Variants in ACYP2 observed in about 807,000 individuals in gnomAD.
ACYP2 encodes the protein acylphosphatase-2.
In ACYP2, 12 loss-of-function variants were observed where a neutral mutation model predicts 11.2. The ratio of observed to expected loss-of-function variants is 1.08; its 90% CI spans 0.69 to 1.74. The LOEUF is 1.74. Among genes scored for constraint, ACYP2 ranks in the 40% most tolerant of loss-of-function variants. The probability of loss-of-function intolerance (pLI) is 0.00; values close to 1 mark genes in which losing one functional copy is unlikely to be tolerated. For missense variants in ACYP2, 134 were observed against 101.9 expected, an observed-to-expected ratio of 1.31 and a Z score of -1.35; for synonymous variants, 43 against 32.2, an observed-to-expected ratio of 1.33 and a Z score of -1.13.
chr2:54,052,855 A>G (rs1675940843), intron 3 of ACYP2, among the ~76,000 whole-genome samples: 2 of 152,226 alleles, frequency 1.3e-5, no homozygotes, highest in Admixed American at 6.5e-5. Flanking sequence ...CAGGAAAGAA[A>G]GCAACTAACT....
At chr2:54,161,812 G>C (rs1682722938) in intron 6 of ACYP2, among the ~76,000 whole-genome samples, 1 of 152,036 alleles carries the variant, frequency 6.6e-6, no homozygotes. Flanking sequence ...GATACAATAG[G>C]GTAGAGAGTG....
At chr2:54,211,517 G>C (rs558067006) in intron 6 of ACYP2, among the ~76,000 whole-genome samples, 1 of 152,308 alleles carries the variant, frequency 6.6e-6, no homozygotes, top group South Asian at 2.1e-4. Flanking sequence ...TTGGTTTAAA[G>C]TATGATTGGG....
chr2:54,067,574 G>A lies in ACYP2; in HGVS notation c.277+10214G>A, dbSNP rs951679718. ...ACTTAACATGAATTGTTATCTGCTA[G>A]GGAAAAAGATGAGTTTTAGGTATTC... On this transcript the variant is annotated intron_variant, in intron 4 of 6. Coordinates refer to ENST00000607452, the MANE Select transcript of ACYP2 (RefSeq NM_001320586.2). 1.2e-4 allele frequency among the ~76,000 whole-genome samples: 18 copies of A among 152,276 alleles called. No homozygotes were observed. In the East Asian group the frequency reaches 2.5e-3, roughly 21 times the overall value.
chr2:54,080,562 C>G (rs945467062), intron 4 of ACYP2: 1 of 151,992 alleles, frequency 6.6e-6, no homozygotes, highest in Admixed American at 6.6e-5. Context: ...GATCTTGGCT[C>G]ATCGCAATCT....
intron 2 of ACYP2, among the ~76,000 whole-genome samples, chr2:54,050,095 C>G (rs527370102): frequency 1.3e-5 from 2 of 152,278 alleles, no homozygotes; most frequent in Admixed American, 1.3e-4. Flanking sequence ...GAAACTGCAA[C>G]TTTAAGCAAA....
At chr2:54,047,852 G>A (rs953078371) in intron 2 of ACYP2, among the ~76,000 whole-genome samples, 3 of 152,116 alleles carry the variant, frequency 2.0e-5, no homozygotes, top group Admixed American at 6.5e-5. Flanking sequence ...ACCATACCAC[G>A]ATAAGAAATT....
chr2:54,120,326 G>T (rs929647886), intron 4 of ACYP2, among the ~76,000 whole-genome samples: 1 of 152,140 alleles, frequency 6.6e-6, no homozygotes, highest in African/African-American at 2.4e-5. Context: ...TGTAACTGTG[G>T]CCTGGTTTAT....
At chr2:54,274,221 C>T (rs1558661194) in intron 6 of ACYP2, among the ~76,000 whole-genome samples, 1 of 152,118 alleles carries the variant, frequency 6.6e-6, no homozygotes, top group Non-Finnish European at 1.5e-5. Context: ...GTAAAACTCC[C>T]CCTTATAATA....
chr2:54,112,989 T>C (rs1679534303), intron 4 of ACYP2, among the ~76,000 whole-genome samples: 1 of 151,950 alleles, frequency 6.6e-6, no homozygotes, highest in Non-Finnish European at 1.5e-5. Context: ...TCCCAGTCAG[T>C]GACTACTTAG....
At chr2:54,219,424 C>T (rs1685688420) in intron 6 of ACYP2, among the ~76,000 whole-genome samples, 1 of 151,852 alleles carries the variant, frequency 6.6e-6, no homozygotes, top group Non-Finnish European at 1.5e-5. Flanking sequence ...CTTTGAATGC[C>T]ACCGTGAAGA....
chr2:54,227,884 G>A (rs1686075397), intron 6 of ACYP2, among the ~76,000 whole-genome samples: 1 of 152,174 alleles, frequency 6.6e-6, no homozygotes, highest in African/African-American at 2.4e-5. Context: ...TGCAGGAATG[G>A]ACAAGACCAG....
At chr2:54,195,997 C>T (rs1466306831) in intron 6 of ACYP2, among the ~76,000 whole-genome samples, 1 of 151,910 alleles carries the variant, frequency 6.6e-6, no homozygotes, top group Non-Finnish European at 1.5e-5. Context: ...AAGGTTTCAA[C>T]ATGTTGGTCA....
intron 4 of ACYP2, among the ~76,000 whole-genome samples, chr2:54,103,679 A>T (rs375773446): frequency 4.6e-5 from 7 of 152,302 alleles, no homozygotes; most frequent in African/African-American, 1.7e-4. Flanking sequence ...TATTCTTCTA[A>T]CATGTTTATG....
chr2:53,977,805 A>C (rs764604994), intron 2 of ACYP2, among the ~76,000 whole-genome samples: 9 of 150,886 alleles, frequency 6.0e-5, no homozygotes, highest in Non-Finnish European at 1.2e-4. Flanking sequence ...AATTTGATTC[A>C]GTCACCTCAC....
intron 6 of ACYP2, among the ~76,000 whole-genome samples, chr2:54,169,286 T>C (rs889575496): frequency 6.6e-6 from 1 of 152,196 alleles, no homozygotes; most frequent in African/African-American, 2.4e-5. Context: ...GTTAGGTCTG[T>C]CTGATTTTGA....
chr2:54,178,925 A>C lies in ACYP2; in HGVS notation c.404+40177A>C, dbSNP rs563752235. On this transcript the variant is annotated intron_variant, in intron 6 of 6. Transcript: ENST00000607452. ...ACGCTACTATAACAAAATACCATAGACTGGGTGACTTGTAAACAACAAAAA... is the reference window on the plus strand; with the variant it reads ...ACGCTACTATAACAAAATACCATAGCCTGGGTGACTTGTAAACAACAAAAA... Among the ~76,000 whole-genome samples, 5 of 152,158 alleles carry C rather than the reference A, an allele frequency of 3.3e-5. No individual in the cohort carries two copies. In the South Asian group the frequency reaches 1.0e-3, roughly 32 times the overall value.
chr2:54,277,591 T>C (rs1006849003), intron 6 of ACYP2, among the ~76,000 whole-genome samples: 1 of 152,056 alleles, frequency 6.6e-6, no homozygotes, highest in Admixed American at 6.5e-5. Flanking sequence ...GGCAGGAGAA[T>C]CTGTTGTACT....
intron 6 of ACYP2, among the ~76,000 whole-genome samples, chr2:54,238,430 G>A (rs546353598): frequency 6.6e-6 from 1 of 152,164 alleles, no homozygotes; most frequent in African/African-American, 2.4e-5. Flanking sequence ...AGAAGATATA[G>A]GAAGAGTTCT....
rs1369983273 is a variant in ACYP2 at position 53,981,194 on chromosome 2, A to G, written c.62+7384A>G. On this transcript the variant is annotated intron_variant, in intron 2 of 6. Coordinates refer to ENST00000607452, the MANE Select transcript of ACYP2 (RefSeq NM_001320586.2). The stretch of plus-strand genomic sequence containing the variant: ...TACAGATTTGTTGCCTAGAAGTGTT[A>G]CACAGCCTAGAAGTGTTACCAGTGG... Among the ~76,000 whole-genome samples, 12 of 152,134 alleles carry G rather than the reference A, an allele frequency of 7.9e-5. No homozygotes were observed. In the Admixed American group the frequency reaches 7.9e-4, roughly 10 times the overall value.
Sources: gnomAD v4.1 joint callset for allele counts (sites outside exome capture counted in the v4.1 genomes callset) on GRCh38, gnomAD v4.1.1 for gene constraint, MANE v1.5 for transcripts, NCBI Gene and HGNC (gene_info 2026-07-23, HGNC 2026-07-21) for gene names.